Variants in METTL9 observed in about 807,000 individuals in gnomAD.
The protein encoded by METTL9 is protein-L-histidine N-pros-methyltransferase.
A neutral mutation model predicts 36.0 loss-of-function variants in METTL9; 10 were observed. That is an observed-to-expected ratio of 0.28 (90% confidence interval 0.17 to 0.47). The LOEUF (loss-of-function observed/expected upper bound fraction) is 0.47, where lower values mean the gene tolerates loss of function less well. Ranked by LOEUF, METTL9 falls within the 20% of genes least tolerant of loss-of-function variation. METTL9 has a pLI of 0.99. For synonymous variants in METTL9, 175 were observed against 149.7 expected, an observed-to-expected ratio of 1.17 and a Z score of -1.23; for missense variants, 246 against 383.5, an observed-to-expected ratio of 0.64 and a Z score of 3.00.
At chr16:21,632,259 C>A (rs992787687) in intron 4 of METTL9, among the ~76,000 whole-genome samples, 1 of 152,238 alleles carries the variant, frequency 6.6e-6, no homozygotes, top group Non-Finnish European at 1.5e-5. Flanking sequence ...AGCATACTTG[C>A]TATCTGTATA....
At chr16:21,641,459 T>G in intron 4 of METTL9, 4 of 753,510 alleles carry the variant, frequency 5.3e-6, no homozygotes, top group Non-Finnish European at 8.8e-6. Flanking sequence ...TAAGACCTGA[T>G]GATATATGTT....
chr16:21,652,414 T>G (rs1034996816), intron 4 of METTL9: 13 of 705,094 alleles, frequency 1.8e-5, no homozygotes, highest in Admixed American at 1.0e-4. Flanking sequence ...TCTTAGGCAG[T>G]TTTCATAATG....
intron 1 of METTL9, among the ~76,000 whole-genome samples, chr16:21,602,777 C>G (rs1435072436): frequency 6.6e-6 from 1 of 151,846 alleles, no homozygotes; most frequent in Non-Finnish European, 1.5e-5. Context: ...GATGTCTCAG[C>G]CTCCCGAGTA....
chr16:21,637,306 AT>A, intron 4 of METTL9, among the ~76,000 whole-genome samples: 1 of 152,104 alleles, frequency 6.6e-6, no homozygotes, highest in Non-Finnish European at 1.5e-5. Flanking sequence ...CAGAGTGCTG[AT>A]TGGTGCGTTT....
At chr16:21,605,602 A>C (rs1471169713) in intron 1 of METTL9, among the ~76,000 whole-genome samples, 1 of 152,024 alleles carries the variant, frequency 6.6e-6, no homozygotes, top group Non-Finnish European at 1.5e-5. Context: ...CTGTGTAGAC[A>C]CTGAAGTTAG....
At chr16:21,655,030 G>C (rs1597794568) in intron 4 of METTL9, 197 bp from the exon 5 acceptor site, 1 of 597,582 alleles carries the variant, frequency 1.7e-6, no homozygotes, top group East Asian at 2.8e-5. Context: ...GCGTGGGCAA[G>C]TTCTTCACCC....
intron 4 of METTL9, among the ~76,000 whole-genome samples, chr16:21,629,874 G>A (rs968319547): frequency 3.9e-5 from 6 of 152,094 alleles, no homozygotes; most frequent in Admixed American, 6.6e-5. Context: ...TTGACAGAGC[G>A]CTGATTGGTG....
Position 21,599,825 on chromosome 16 carries a change from C to T in METTL9, c.92C>T (p.Ser31Phe). The T allele has an allele frequency of 1.3e-6, 2 of 1,542,628 alleles. No individual in the cohort carries two copies. Among genetic ancestry groups the T allele is most frequent in the Non-Finnish European group, 1.7e-6 (2 of 1,151,448 alleles). The change falls in exon 1 of 5, where the codon TCC (serine) becomes TTC (phenylalanine). Residue 31 changes from serine to phenylalanine, a missense_variant. Ser to Phe is a radical substitution (Grantham distance 155, BLOSUM62 -2). Coordinates refer to ENST00000358154, the MANE Select transcript of METTL9 (RefSeq NM_016025.5). The surrounding 1 kb of genome is among the most constrained non-coding windows in gnomAD (Gnocchi z 4.4). ...ACGCTGCGGAGCCCGCTCACCCGCT[C>T]CCTGTACGTGAACATGACTAGCGGC... The part of the protein sequence containing the change: ...MWTLRSPLTR[S>F]LYVNMTSGPG...
At chr16:21,616,205 G>A (rs562980239) in intron 2 of METTL9, among the ~76,000 whole-genome samples, 2 of 152,270 alleles carry the variant, frequency 1.3e-5, no homozygotes, top group East Asian at 3.9e-4. Flanking sequence ...AGGTTTCCCT[G>A]CCACTTCCTG....
At chr16:21,604,889 C>T (rs567578465) in intron 1 of METTL9, among the ~76,000 whole-genome samples, 1 of 152,146 alleles carries the variant, frequency 6.6e-6, no homozygotes, top group Non-Finnish European at 1.5e-5. Context: ...ATGCCTAGAC[C>T]TACAGTTTGG....
intron 1 of METTL9, among the ~76,000 whole-genome samples, chr16:21,606,751 CTCTA>C (rs768761864): frequency 4.6e-5 from 7 of 152,188 alleles, no homozygotes; most frequent in Non-Finnish European, 8.8e-5. Context: ...TTTAGGAACT[CTCTA>C]TCAGGAACCT....
intron 4 of METTL9, among the ~76,000 whole-genome samples, chr16:21,651,025 C>T (rs1966559734): frequency 6.6e-6 from 1 of 152,138 alleles, no homozygotes; most frequent in Non-Finnish European, 1.5e-5. Flanking sequence ...AGATCGAGAC[C>T]ATCCTGGCTA....
chr16:21,620,261 A>T (rs1965662210), intron 3 of METTL9, among the ~76,000 whole-genome samples: 1 of 152,170 alleles, frequency 6.6e-6, no homozygotes, highest in Non-Finnish European at 1.5e-5. Context: ...GTGATTTGAA[A>T]GCCCCTTAGC....
chr16:21,654,552 C>T (rs1433914008), intron 4 of METTL9: 1 of 152,314 alleles, frequency 6.6e-6, no homozygotes, highest in East Asian at 1.9e-4. Context: ...CTGATAGAGG[C>T]TTCATCTCTA....
At chr16:21,612,857 A>G in intron 2 of METTL9, 22 bp downstream of exon 2, 1 of 1,546,156 alleles carries the variant, frequency 6.5e-7, no homozygotes, top group East Asian at 2.3e-5. Flanking sequence ...TTGGACATTT[A>G]TTTTTTTCTT....
chr16:21,648,311 C>T (rs1966481160), intron 4 of METTL9, among the ~76,000 whole-genome samples: 1 of 152,320 alleles, frequency 6.6e-6, no homozygotes, highest in South Asian at 2.1e-4. Flanking sequence ...CTCAGTATCT[C>T]AGTTTCCTCA....
chr16:21,643,455 A>G (rs986733401), intron 4 of METTL9: 1 of 806,426 alleles, frequency 1.2e-6, no homozygotes, highest in Non-Finnish European at 2.0e-6. Flanking sequence ...TAAACTTAAC[A>G]TTTAAATATT....
chr16:21,621,322 G>T (rs1045598501), intron 3 of METTL9, among the ~76,000 whole-genome samples: 9 of 151,744 alleles, frequency 5.9e-5, no homozygotes, highest in Admixed American at 3.9e-4. Context: ...TTAAATAAAG[G>T]TTCTGTAATT....
rs374585464 is a variant in METTL9 at position 21,643,026 on chromosome 16, C to T, written c.752-12201C>T. ...TCCTTGGCAGCTTAGTTTTTTCAAACGTGCTTTATATCTGTATTTACATTT... is the reference window on the plus strand; with the variant it reads ...TCCTTGGCAGCTTAGTTTTTTCAAATGTGCTTTATATCTGTATTTACATTT... On this transcript the variant is annotated intron_variant, in intron 4 of 4. Coordinates refer to ENST00000358154, the MANE Select transcript of METTL9 (RefSeq NM_016025.5). 61 of 1,306,950 alleles carry T rather than the reference C, an allele frequency of 4.7e-5. 1 individual carries two copies. The highest frequency in any genetic ancestry group is 4.1e-4 in the Admixed American group (23 of 56,450). 81.0% of individuals were successfully genotyped at this position (1,306,950 alleles called of 1,614,324 possible).
Sources: gnomAD v4.1 joint callset for allele counts (sites outside exome capture counted in the v4.1 genomes callset) on GRCh38, gnomAD v4.1.1 for gene constraint, Gnocchi (gnomAD v3.1) non-coding constraint, MANE v1.5 for transcripts, NCBI Gene and HGNC (gene_info 2026-07-23, HGNC 2026-07-21) for gene names.